DSCAML1: variants seen among roughly 807,000 people sequenced by gnomAD.
DSCAML1 encodes the protein DS cell adhesion molecule like 1.
In DSCAML1, 38 loss-of-function variants were observed where a neutral mutation model predicts 200.5. The ratio of observed to expected loss-of-function variants is 0.19; its 90% CI spans 0.15 to 0.25. DSCAML1 has a LOEUF of 0.25. Ranked by LOEUF, DSCAML1 falls within the 10% of genes least tolerant of loss-of-function variation. The pLI, the probability that DSCAML1 is intolerant of heterozygous loss-of-function variation, is 1.00. For missense variants in DSCAML1, 2,223 were observed against 2,858.8 expected, an observed-to-expected ratio of 0.78 and a Z score of 5.07; for synonymous variants, 1,215 against 1,165.0, an observed-to-expected ratio of 1.04 and a Z score of -0.87.
chr11:117,484,909 GT>G (rs2049010510), intron 11 of DSCAML1, among the ~76,000 whole-genome samples: 2 of 149,374 alleles, frequency 1.3e-5, no homozygotes, highest in African/African-American at 5.0e-5. Flanking sequence ...GTGTGTGTGT[GT>G]GTGTGTGTGT....
At chr11:117,465,437 T>C (rs896077756) in intron 16 of DSCAML1, among the ~76,000 whole-genome samples, 2 of 152,116 alleles carry the variant, frequency 1.3e-5, no homozygotes, top group Admixed American at 6.5e-5. Context: ...CGCATCCCCA[T>C]CTCAGGGGAA....
chr11:117,654,195 T>A (rs1591366614), intron 3 of DSCAML1, among the ~76,000 whole-genome samples: 1 of 151,694 alleles, frequency 6.6e-6, no homozygotes, highest in Admixed American at 6.6e-5. Context: ...AGAGGTGGGG[T>A]GGGGAAATAG....
chr11:117,604,623 C>G (rs1054127858), intron 3 of DSCAML1, among the ~76,000 whole-genome samples: 1 of 152,194 alleles, frequency 6.6e-6, no homozygotes, highest in South Asian at 2.1e-4. Context: ...TCAGATGGGG[C>G]GGTCCAAGCC....
In DSCAML1 at chr11:117,480,656, C is replaced by T. The variant is rs1187672847; in HGVS notation, c.2657-85G>A. The T allele has an allele frequency of 2.0e-6, 3 of 1,496,958 alleles. No homozygotes were observed. The South Asian group carries it at 3.7e-5, about 18-fold the overall frequency. The allele number at this position is 1,496,958 out of a possible 1,614,324, so 92.7% of individuals were successfully genotyped here. A position where few individuals can be genotyped will look rare whatever the true frequency, so the allele number is the denominator to read the frequency against. ...GCTTGGCCCTGAGGATTGGCATCAC[C>T]TGGGTCTAGCCAAGGACTCTGGCAC... On this transcript the variant is annotated intron_variant, in intron 13 of 32. Coordinates refer to ENST00000651296, the MANE Select transcript of DSCAML1 (RefSeq NM_020693.4). This position sits in a 1 kb window ranked among gnomAD's most constrained non-coding sequence, Gnocchi z 4.1.
At chr11:117,771,178 G>A (rs906676960) in intron 3 of DSCAML1, among the ~76,000 whole-genome samples, 3 of 117,582 alleles carry the variant, frequency 2.6e-5, no homozygotes, top group Non-Finnish European at 5.7e-5. Context: ...GTGTAGATTC[G>A]TGGGAGCCAA....
At position 117,465,050 on chromosome 11, in the gene DSCAML1, G is replaced by A. The variant is rs1210950714; in HGVS notation, c.3157C>T (p.Leu1053=). The A allele has an allele frequency of 3.7e-6, 6 of 1,614,166 alleles. No homozygotes were observed. The East Asian group carries it at 1.1e-4, about 30-fold the overall frequency. ...KATGDSEVYT[L]DNLKKFAQYG... is the part of the protein sequence containing the mutation. ...TGGGCGAACTTCTTGAGGTTGTCCA[G>A]GGTGTAGACCTCGCTGTCCCCCGTG... Residue 1053 remains leucine, a synonymous_variant, in exon 17 of 33, where the codon CTG becomes TTG. Transcript: ENST00000651296.
chr11:117,791,256 T>A (rs2055461043), intron 1 of DSCAML1, among the ~76,000 whole-genome samples: 2 of 152,182 alleles, frequency 1.3e-5, no homozygotes, highest in Admixed American at 1.3e-4. Context: ...GACTAGGTCA[T>A]GGAAGGAAGA....
At chr11:117,467,446 C>T (rs1022584414) in intron 16 of DSCAML1, among the ~76,000 whole-genome samples, 2 of 152,068 alleles carry the variant, frequency 1.3e-5, no homozygotes, top group African/African-American at 2.4e-5. Context: ...TTTAAAAGCC[C>T]ACCTTTTATT....
intron 8 of DSCAML1, among the ~76,000 whole-genome samples, chr11:117,508,788 C>T (rs1336669768): frequency 6.6e-6 from 1 of 152,082 alleles, no homozygotes; most frequent in African/African-American, 2.4e-5. Flanking sequence ...AGCTAAGGGG[C>T]TGTGGAGTCT....
chr11:117,587,610 C>T (rs1000303030), intron 3 of DSCAML1, among the ~76,000 whole-genome samples: 2 of 152,140 alleles, frequency 1.3e-5, no homozygotes, highest in African/African-American at 4.8e-5. Flanking sequence ...CTGCCTGGAG[C>T]CCCCGCTGCC....
chr11:117,589,612 G>T (rs1157045397), intron 3 of DSCAML1, among the ~76,000 whole-genome samples: 6 of 152,124 alleles, frequency 3.9e-5, no homozygotes, highest in Non-Finnish European at 7.3e-5. Context: ...TATTACAATG[G>T]CCAGGCTTAA....
intron 3 of DSCAML1, among the ~76,000 whole-genome samples, chr11:117,654,445 A>G (rs1207256724): frequency 6.6e-6 from 1 of 152,216 alleles, no homozygotes; most frequent in Non-Finnish European, 1.5e-5. Flanking sequence ...TTCTGGGCAC[A>G]CTATCGGTCT....
chr11:117,617,873 G>A (rs1361534549), intron 3 of DSCAML1, among the ~76,000 whole-genome samples: 1 of 152,118 alleles, frequency 6.6e-6, no homozygotes, highest in African/African-American at 2.4e-5. Flanking sequence ...GTAGGAGGAG[G>A]GGTCGGCAGG....
At chr11:117,745,648 C>T (rs937874392) in intron 3 of DSCAML1, among the ~76,000 whole-genome samples, 4 of 152,200 alleles carry the variant, frequency 2.6e-5, no homozygotes, top group East Asian at 1.9e-4. Flanking sequence ...CATCCTCCTC[C>T]GGAATGGCTC....
chr11:117,561,809 A>G (rs761587170), intron 3 of DSCAML1, among the ~76,000 whole-genome samples: 1 of 152,246 alleles, frequency 6.6e-6, no homozygotes, highest in Admixed American at 6.5e-5. Context: ...TGCAACTGCC[A>G]CTTATGTATT....
intron 3 of DSCAML1, among the ~76,000 whole-genome samples, chr11:117,577,461 CCT>C (rs1237802396): frequency 0.013 from 416 of 32,882 alleles, 5 homozygotes; most frequent in African/African-American, 0.033. Context: ...TCCTTCCTTT[CCT>C]TCCTTCCTTC....
At chr11:117,597,914 A>G (rs1396975895) in intron 3 of DSCAML1, among the ~76,000 whole-genome samples, 1 of 93,242 alleles carries the variant, frequency 1.1e-5, no homozygotes, top group Admixed American at 9.2e-5. Context: ...ACTTAAAGAA[A>G]AAAAGAAAAA....
At chr11:117,428,920 C>T (rs1008647343) in intron 32 of DSCAML1, 117 bp from the exon 33 acceptor site, 17 of 961,002 alleles carry the variant, frequency 1.8e-5, no homozygotes, top group Non-Finnish European at 2.3e-5. Flanking sequence ...ATAGGGGCCC[C>T]TCCACTGGGG....
rs1331404195 is a variant in DSCAML1, at chr11:117,521,215, G to C, written c.1128C>G (p.Ala376=). Residue 376 remains alanine (A), a synonymous_variant, in exon 6 of 33, where the codon GCC becomes GCG. Coordinates refer to ENST00000651296, the MANE Select transcript of DSCAML1 (RefSeq NM_020693.4). ...GGTAGGCCCCGGAATGGCTCTTCTG[G>C]GCCGAGGTGATGAGCAGCGTCTCGT... The part of the protein sequence containing the change: ...LSNETLLITS[A]QKSHSGAYQC... The C allele has an allele frequency of 6.2e-7, 1 of 1,614,160 alleles. No homozygotes were observed. Among genetic ancestry groups the C allele is most frequent in the Non-Finnish European group, 8.5e-7 (1 of 1,180,036 alleles).
Sources: gnomAD v4.1 joint callset for allele counts (sites outside exome capture counted in the v4.1 genomes callset) on GRCh38, gnomAD v4.1.1 for gene constraint, Gnocchi (gnomAD v3.1) non-coding constraint, MANE v1.5 for transcripts, NCBI Gene and HGNC (gene_info 2026-07-23, HGNC 2026-07-21) for gene names.